The following ERC2 variants were observed in gnomAD, a reference collection of about 807,000 sequenced individuals.
ERC2 encodes the protein ELKS/RAB6-interacting/CAST family member 2, also known as ERC protein 2.
Under a neutral mutation model 114.8 loss-of-function variants are expected in ERC2, and 42 were observed. The ratio of observed to expected loss-of-function variants is 0.37; its 90% CI spans 0.29 to 0.47. The LOEUF is 0.47. Among genes scored for constraint, ERC2 ranks in the 20% least tolerant of loss-of-function variants. ERC2 has a pLI of 0.99. For missense variants in ERC2, 939 were observed against 1,150.7 expected (o/e 0.82, Z 2.66); for synonymous variants, 454 against 425.5 (o/e 1.07, Z -0.82).
chr3:56,402,155 G>A (rs1472136467), intron 2 of ERC2, among the ~76,000 whole-genome samples: 1 of 152,176 alleles, frequency 6.6e-6, no homozygotes, highest in African/African-American at 2.4e-5. Context: ...AAAATTCAAG[G>A]TGAGATTTGG....
chr3:56,070,519 TA>T (rs138874911), intron 7 of ERC2, among the ~76,000 whole-genome samples: 14,083 of 152,138 alleles, frequency 0.093, 909 homozygotes, highest in Non-Finnish European at 0.14. Flanking sequence ...TATAAGGTCT[TA>T]ACCCAGAAGC....
intron 17 of ERC2, among the ~76,000 whole-genome samples, chr3:55,545,849 G>A (rs927397301): frequency 3.3e-5 from 5 of 152,274 alleles, no homozygotes; most frequent in African/African-American, 7.2e-5. Context: ...CTGGACAGCC[G>A]GCAGCCTCTG....
Position 56,434,723 on chromosome 3 carries a change from G to A in ERC2, c.285C>T (p.Val95=). Residue 95 remains valine, a synonymous_variant, in exon 2 of 18, where the codon GTC becomes GTT. Coordinates refer to ENST00000288221, the MANE Select transcript of ERC2 (RefSeq NM_015576.3). ...ATNRAVYGGR[V]TAMGSSPNIA... is the part of the protein sequence containing the mutation. ...TATTGGGACTACTCCCCATGGCTGT[G>A]ACACGGCCTCCATATACAGCTCGAT... is the stretch of plus-strand genomic sequence containing the variant. The A allele has an allele frequency of 6.2e-7, 1 of 1,614,016 alleles. No homozygotes were observed. The highest frequency in any genetic ancestry group is 1.6e-4 in the Middle Eastern group (1 of 6,062).
intron 7 of ERC2, among the ~76,000 whole-genome samples, chr3:56,063,536 C>G (rs939367735): frequency 6.6e-6 from 1 of 152,136 alleles, no homozygotes; most frequent in African/African-American, 2.4e-5. Context: ...TCTTGAACAC[C>G]TACTATGCTG....
At chr3:55,543,072 T>A (rs549338919) in intron 17 of ERC2, among the ~76,000 whole-genome samples, 2 of 152,194 alleles carry the variant, frequency 1.3e-5, no homozygotes, top group Non-Finnish European at 2.9e-5. Context: ...GTCTCCCTTC[T>A]CCTGGCCTGC....
At chr3:55,590,134 A>C (rs904621) in intron 17 of ERC2, among the ~76,000 whole-genome samples, 1 of 152,186 alleles carries the variant, frequency 6.6e-6, no homozygotes, top group Non-Finnish European at 1.5e-5. Context: ...CAATTGTAGG[A>C]TAACGATGGC....
intron 17 of ERC2, among the ~76,000 whole-genome samples, chr3:55,630,464 C>T (rs891213213): frequency 1.2e-4 from 18 of 152,192 alleles, no homozygotes; most frequent in Non-Finnish European, 2.1e-4. Context: ...CCACCACGCC[C>T]GGCCAATAAG....
chr3:55,958,304 A>G lies in ERC2; in HGVS notation c.2268-7744T>C, dbSNP rs2068105315. 5.3e-5 allele frequency among the ~76,000 whole-genome samples: 8 copies of G among 152,184 alleles called. No individual in the cohort carries two copies. The South Asian group carries it at 1.7e-3, about 32-fold the overall frequency. On this transcript the variant is annotated intron_variant, in intron 12 of 17. Transcript: ENST00000288221. The stretch of plus-strand genomic sequence containing the variant: ...CCTTCCCACAGCTGGTAGTCCCAAC[A>G]TCTGTGTGAATCTGGATGAGTCCAG...
intron 14 of ERC2, among the ~76,000 whole-genome samples, chr3:55,767,178 C>G (rs1163559605): frequency 1.3e-5 from 2 of 152,178 alleles, no homozygotes; most frequent in African/African-American, 4.8e-5. Flanking sequence ...ATTCACTAGT[C>G]ATGCAGATAA....
At chr3:55,825,177 G>A (rs945004614) in intron 14 of ERC2, among the ~76,000 whole-genome samples, 1 of 152,124 alleles carries the variant, frequency 6.6e-6, no homozygotes, top group African/African-American at 2.4e-5. Flanking sequence ...CTGTGAGCAG[G>A]GTTGCTTAGT....
chr3:56,343,719 C>T (rs1160689711), intron 2 of ERC2, among the ~76,000 whole-genome samples: 2 of 152,160 alleles, frequency 1.3e-5, no homozygotes, highest in Non-Finnish European at 2.9e-5. Flanking sequence ...TGTCTGGCTT[C>T]TAGTAAGTGC....
intron 17 of ERC2, among the ~76,000 whole-genome samples, chr3:55,522,886 C>T (rs1000428846): frequency 5.9e-5 from 9 of 152,318 alleles, no homozygotes; most frequent in African/African-American, 1.2e-4. Flanking sequence ...TAGATGTAGA[C>T]GTACCCTGAG....
chr3:56,270,994 AAAAC>A lies in ERC2; in HGVS notation c.1074+25021_1074+25024del, dbSNP rs764960798. On this transcript the variant is annotated intron_variant, in intron 3 of 17. Transcript: ENST00000288221. ...AAGACTCCATCTCAAAAAACAAAAC[AAAAC>A]AAACAAACAAAAAAAACCAGCCTTG... is the stretch of plus-strand genomic sequence containing the variant. Among the ~76,000 whole-genome samples, 248 of 152,178 alleles carry A rather than the reference AAAAC, an allele frequency of 1.6e-3. 5 individuals carry two copies. Among genetic ancestry groups the A allele is most frequent in the Admixed American group, 5.2e-4 (8 of 15,274 alleles).
chr3:56,349,376 C>G (rs6445782), intron 2 of ERC2, among the ~76,000 whole-genome samples: 1 of 152,190 alleles, frequency 6.6e-6, no homozygotes, highest in Admixed American at 6.5e-5. Context: ...CCCACCAACC[C>G]TCCACATACA....
At chr3:56,366,191 C>G (rs1158875028) in intron 2 of ERC2, among the ~76,000 whole-genome samples, 1 of 152,252 alleles carries the variant, frequency 6.6e-6, no homozygotes, top group Non-Finnish European at 1.5e-5. Flanking sequence ...TGCCAGCAAC[C>G]TCTGATCACA....
At chr3:56,212,200 T>C (rs2049107362) in intron 3 of ERC2, among the ~76,000 whole-genome samples, 2 of 152,108 alleles carry the variant, frequency 1.3e-5, no homozygotes, top group South Asian at 4.2e-4. Context: ...TTTCAAAATC[T>C]ATACATCTGA....
intron 10 of ERC2, among the ~76,000 whole-genome samples, chr3:55,994,710 T>G (rs2071370950): frequency 6.9e-6 from 1 of 144,158 alleles, no homozygotes; most frequent in South Asian, 2.3e-4. Flanking sequence ...CGTAGTCTGC[T>G]AGAGATAGGT....
In ERC2 at chr3:56,152,478, A is replaced by T. The variant is rs146888908; in HGVS notation, c.1150-3346T>A. ...AGCTTCTGTCACTCAAAAGTGGTTT[A>T]CTGAGCTCCTGTTCTAAGCCCAGCA... On this transcript the variant is annotated intron_variant, in intron 4 of 17. Coordinates refer to ENST00000288221, the MANE Select transcript of ERC2 (RefSeq NM_015576.3). Among the ~76,000 whole-genome samples, 257 of 152,134 alleles carry T rather than the reference A, an allele frequency of 1.7e-3. 4 individuals carry two copies. Among genetic ancestry groups the T allele is most frequent in the African/African-American group, 6.0e-3 (251 of 41,510 alleles).
intron 3 of ERC2, among the ~76,000 whole-genome samples, chr3:56,214,028 G>T (rs1343833238): frequency 6.6e-6 from 1 of 152,062 alleles, no homozygotes; most frequent in Non-Finnish European, 1.5e-5. Context: ...AAAGACCAAA[G>T]GTAGATAGAA....
Sources: gnomAD v4.1 joint callset for allele counts (sites outside exome capture counted in the v4.1 genomes callset) on GRCh38, gnomAD v4.1.1 for gene constraint, MANE v1.5 for transcripts, NCBI Gene and HGNC (gene_info 2026-07-23, HGNC 2026-07-21) for gene names.